Variants in GALNT2 observed in about 807,000 individuals in gnomAD.
GALNT2 encodes the protein polypeptide N-acetylgalactosaminyltransferase 2.
A neutral mutation model predicts 81.4 loss-of-function variants in GALNT2; 31 were observed. The ratio of observed to expected loss-of-function variants is 0.38; its 90% CI spans 0.29 to 0.51. The LOEUF (loss-of-function observed/expected upper bound fraction) is 0.51, where lower values mean the gene tolerates loss of function less well. Among genes scored for constraint, GALNT2 ranks in the 20% least tolerant of loss-of-function variants. The pLI, the probability that GALNT2 is intolerant of heterozygous loss-of-function variation, is 0.87. For synonymous variants in GALNT2, 303 were observed against 287.4 expected (o/e 1.05, Z -0.55); for missense variants, 629 against 765.7 (o/e 0.82, Z 2.11).
chr1:230,090,811 C>T (rs1660048891), intron 1 of GALNT2, among the ~76,000 whole-genome samples: 1 of 151,958 alleles, frequency 6.6e-6, no homozygotes, highest in Non-Finnish European at 1.5e-5. Flanking sequence ...AGAGAGAGAC[C>T]CTTGGGCTAT....
At chr1:230,138,400 C>G (rs1661620176) in intron 1 of GALNT2, among the ~76,000 whole-genome samples, 1 of 152,008 alleles carries the variant, frequency 6.6e-6, no homozygotes, top group African/African-American at 2.4e-5. Flanking sequence ...TGGTGCGTGC[C>G]TGTAATCCCA....
At chr1:230,093,885 C>T (rs1048747817) in intron 1 of GALNT2, among the ~76,000 whole-genome samples, 2 of 152,172 alleles carry the variant, frequency 1.3e-5, no homozygotes, top group African/African-American at 4.8e-5. Flanking sequence ...ATGAAATCAC[C>T]TAAGGGCACA....
At chr1:230,192,290 C>T (rs1238487606) in intron 2 of GALNT2, among the ~76,000 whole-genome samples, 2 of 152,242 alleles carry the variant, frequency 1.3e-5, no homozygotes, top group Non-Finnish European at 2.9e-5. Flanking sequence ...ATAAGTTTAA[C>T]TTCTGTGCCT....
chr1:230,157,431 G>A (rs1662292936), intron 1 of GALNT2, among the ~76,000 whole-genome samples: 1 of 152,182 alleles, frequency 6.6e-6, no homozygotes, highest in Non-Finnish European at 1.5e-5. Flanking sequence ...TAGTTGAGCA[G>A]TTTCTTATAA....
intron 1 of GALNT2, among the ~76,000 whole-genome samples, chr1:230,068,910 A>G (rs1008778711): frequency 1.1e-4 from 16 of 152,240 alleles, no homozygotes; most frequent in African/African-American, 3.6e-4. Flanking sequence ...CAGGCAGCAA[A>G]AGCCGTGCAG....
intron 2 of GALNT2, among the ~76,000 whole-genome samples, chr1:230,195,264 C>T (rs904247304): frequency 5.9e-5 from 9 of 152,292 alleles, no homozygotes; most frequent in East Asian, 1.9e-4. Flanking sequence ...GTGTTTGTTG[C>T]TGTGTTCAGT....
intron 1 of GALNT2, among the ~76,000 whole-genome samples, chr1:230,129,660 G>A (rs1006506976): frequency 2.4e-4 from 37 of 152,210 alleles, no homozygotes; most frequent in African/African-American, 8.4e-4. Flanking sequence ...TACACCCAAG[G>A]GTCCTTACTT....
intron 1 of GALNT2, among the ~76,000 whole-genome samples, chr1:230,115,090 C>T (rs2102794285): frequency 6.7e-6 from 1 of 149,980 alleles, no homozygotes; most frequent in East Asian, 2.0e-4. Flanking sequence ...ATTGCAACCT[C>T]TGCCACCCGG....
rs993990866 is a variant in GALNT2 at position 230,265,605 on chromosome 1, G to A, written c.1440+238G>A. Among the ~76,000 whole-genome samples the A allele has an allele frequency of 1.1e-4, 16 of 152,174 alleles. 1 individual carries two copies. The highest frequency in any genetic ancestry group is 3.3e-4 in the Admixed American group (5 of 15,290). On this transcript the variant is annotated intron_variant, in intron 14 of 15. Coordinates refer to ENST00000366672, the MANE Select transcript of GALNT2 (RefSeq NM_004481.5). ...GCTTCGGACCAGGCTCTGCTGCAGCGGCAAGGGTGCACTGGTCACAGTTGC... is the reference window on the plus strand; with the variant it reads ...GCTTCGGACCAGGCTCTGCTGCAGCAGCAAGGGTGCACTGGTCACAGTTGC...
chr1:230,179,496 A>G (rs586712), intron 2 of GALNT2, among the ~76,000 whole-genome samples: 35,122 of 152,114 alleles, frequency 0.23, 4,921 homozygotes, highest in African/African-American at 0.39. Context: ...AGGCCACTCT[A>G]ATAGGTGTGG....
chr1:230,067,129 G>A (rs1007567661), upstream of GALNT2: 6 of 227,448 alleles, frequency 2.6e-5, no homozygotes, highest in Admixed American at 6.2e-5. Context: ...CCGAGTGCGC[G>A]CCGCCGCCGA....
intron 6 of GALNT2, among the ~76,000 whole-genome samples, chr1:230,239,711 A>G (rs1223971460): frequency 2.0e-5 from 3 of 151,932 alleles, no homozygotes; most frequent in Non-Finnish European, 4.4e-5. Context: ...TTTCTTCTCT[A>G]TTTGTACCAT....
intron 1 of GALNT2, among the ~76,000 whole-genome samples, chr1:230,135,704 T>G (rs1181030566): frequency 6.6e-6 from 1 of 152,142 alleles, no homozygotes; most frequent in African/African-American, 2.4e-5. Context: ...GCTCTTTCCC[T>G]TTCCCTTTCC....
intron 2 of GALNT2, among the ~76,000 whole-genome samples, chr1:230,189,708 G>A (rs538051843): frequency 2.0e-5 from 3 of 152,282 alleles, no homozygotes; most frequent in African/African-American, 7.2e-5. Context: ...CAGGTCCGTG[G>A]CATTAAGCGC....
chr1:230,234,094 G>C (rs899372350), intron 3 of GALNT2, among the ~76,000 whole-genome samples: 1 of 152,138 alleles, frequency 6.6e-6, no homozygotes. Flanking sequence ...TACGTGAAAA[G>C]GCTCTCCAAG....
At chr1:230,064,684 A>G (rs1383570877), upstream of GALNT2, among the ~76,000 whole-genome samples, 1 of 152,002 alleles carries the variant, frequency 6.6e-6, no homozygotes, top group African/African-American at 2.4e-5. Context: ...GCTAAGTTTC[A>G]TATTTTTTTT....
Position 230,274,551 on chromosome 1 carries a change from A to G in GALNT2, c.1547A>G (p.Asn516Ser), listed in dbSNP as rs772377224. The G allele has an allele frequency of 1.9e-6, 3 of 1,613,936 alleles. No individual in the cohort carries two copies. Among genetic ancestry groups the G allele is most frequent in the Non-Finnish European group, 2.5e-6 (3 of 1,179,888 alleles). The change falls in exon 15 of 16, where the codon AAT becomes AGT. Residue 516 changes from asparagine to serine, a missense_variant. By Grantham distance (46) the Asn-to-Ser change is conservative. Coordinates refer to ENST00000366672, the MANE Select transcript of GALNT2 (RefSeq NM_004481.5). ...ATAAAGCTGCAGGGCTGCCGAGAAAATGACAGCAGACAGGTACGGCTTGCA... is the reference window on the plus strand; with the variant it reads ...ATAAAGCTGCAGGGCTGCCGAGAAAGTGACAGCAGACAGGTACGGCTTGCA... ...SLIKLQGCRENDSRQKWEQIE... is the reference protein window; with the variant it reads ...SLIKLQGCRESDSRQKWEQIE...
chr1:230,142,270 G>A (rs951616562), intron 1 of GALNT2, among the ~76,000 whole-genome samples: 3 of 152,068 alleles, frequency 2.0e-5, no homozygotes, highest in African/African-American at 2.4e-5. Flanking sequence ...CCATCCACCC[G>A]GCCACTTCTT....
At chr1:230,277,696 G>A (rs1572168382) in intron 15 of GALNT2, among the ~76,000 whole-genome samples, 1 of 152,208 alleles carries the variant, frequency 6.6e-6, no homozygotes, top group Admixed American at 6.5e-5. Flanking sequence ...TCCTTGTGGT[G>A]TTTCGCGCAG....
Sources: gnomAD v4.1 joint callset for allele counts (sites outside exome capture counted in the v4.1 genomes callset) on GRCh38, gnomAD v4.1.1 for gene constraint, MANE v1.5 for transcripts, NCBI Gene and HGNC (gene_info 2026-07-23, HGNC 2026-07-21) for gene names.